Variants in PTPRB observed in about 807,000 individuals in gnomAD.
PTPRB encodes the protein protein tyrosine phosphatase receptor type B.
PTPRB carries 97 observed loss-of-function variants against 238.1 expected under a neutral mutation model. The observed-to-expected ratio is 0.41, with a 90% CI of 0.35 to 0.48. The LOEUF is 0.48. Ranked by LOEUF, PTPRB falls within the 20% of genes least tolerant of loss-of-function variation. The probability of loss-of-function intolerance (pLI) is 0.30; values close to 1 mark genes in which losing one functional copy is unlikely to be tolerated. For missense variants in PTPRB, 2,292 were observed against 2,681.9 expected (o/e 0.85, Z 3.21); for synonymous variants, 970 against 995.4 (o/e 0.97, Z 0.48).
At position 70,624,252 on chromosome 12, in the gene PTPRB, T is replaced by TA. The variant is rs1270622761; in HGVS notation, c.452-1607dup. Among the ~76,000 whole-genome samples, 10 of 152,312 alleles carry TA rather than the reference T, an allele frequency of 6.6e-5. No homozygotes were observed. In the South Asian group the frequency reaches 8.3e-4, roughly 13 times the overall value. On this transcript the variant is annotated intron_variant, in intron 2 of 33. Coordinates refer to ENST00000334414, the MANE Select transcript of PTPRB (RefSeq NM_001109754.4). ...ATACTATGTATTAGTAATATACTTA[T>TA]ACTAAAGATTATTTGTTATTTATCT...
At chr12:70,559,664 T>C (rs1393780567) in intron 17 of PTPRB, 40 bp from the exon 18 acceptor site, 1 of 1,532,524 alleles carries the variant, frequency 6.5e-7, no homozygotes, top group Admixed American at 1.7e-5. Context: ...TAATCACAGC[T>C]ATGCCATAAC....
chr12:70,584,880 A>G (rs888841306), intron 9 of PTPRB: 4 of 152,126 alleles, frequency 2.6e-5, no homozygotes, highest in African/African-American at 7.2e-5. Flanking sequence ...TATATAAAGC[A>G]ATAATTATAT....
chr12:70,567,579 T>G (rs1167557342), intron 14 of PTPRB, among the ~76,000 whole-genome samples: 1 of 152,238 alleles, frequency 6.6e-6, no homozygotes. Context: ...CTTTGTGTAC[T>G]GCTACTACCT....
Position 70,552,973 on chromosome 12 carries a change from G to C in PTPRB, c.5191C>G (p.Leu1731Val), listed in dbSNP as rs371857176. ...PEQQHPLPSYLEYRHNASIRV... is the reference protein window; with the variant it reads ...PEQQHPLPSYVEYRHNASIRV... ...ATGGAGGCATTGTGCCTGTACTCCA[G>C]GTAGGAAGGGAGAGGGTGCTGCTGT... is the stretch of plus-strand genomic sequence containing the variant. The change falls in exon 21 of 34, where the codon CTG becomes GTG. Residue 1731 changes from leucine (L) to valine (V), a missense_variant. Physicochemically the swap from Leu to Val is conservative, Grantham distance 32. Transcript: ENST00000334414. 1 of 1,613,662 alleles carries C rather than the reference G, an allele frequency of 6.2e-7. No individual in the cohort carries two copies. Among genetic ancestry groups the C allele is most frequent in the Non-Finnish European group, 8.5e-7 (1 of 1,179,720 alleles).
intron 32 of PTPRB, chr12:70,525,511 A>C (rs569810307): frequency 6.6e-6 from 1 of 152,206 alleles, no homozygotes; most frequent in Non-Finnish European, 1.5e-5. Flanking sequence ...ACTGCAGAGA[A>C]CTACAAGGGT....
chr12:70,596,443 A>AT, intron 4 of PTPRB, 116 bp from the exon 5 acceptor site: 1 of 1,088,972 alleles, frequency 9.2e-7, no homozygotes, highest in Non-Finnish European at 1.2e-6. Context: ...GTCCAGGTTC[A>AT]TTTTTCTCAA....
At position 70,556,032 on chromosome 12, in the gene PTPRB, C is replaced by G; in HGVS notation, c.4831G>C (p.Asp1611His). The G allele has an allele frequency of 6.2e-7, 1 of 1,613,886 alleles. No homozygotes were observed. The highest frequency in any genetic ancestry group is 8.5e-7 in the Non-Finnish European group (1 of 1,179,860). Residue 1611 changes from aspartate (D) to histidine (H), a missense_variant, in exon 19 of 34, where the codon GAC becomes CAC. Transcript: ENST00000334414. ...CTGGAAAACTCAACTTCTTGGGTGT[C>G]CATTTTCCGGCATTCAATACTATAA... ...DGYSIECRKM[D>H]TQEVEFSRKL...
chr12:70,541,543 A>C (rs1875115966), intron 22 of PTPRB: 1 of 152,168 alleles, frequency 6.6e-6, no homozygotes, highest in Non-Finnish European at 1.5e-5. Flanking sequence ...AAGTTTTGCA[A>C]ATGTCACCAC....
intron 4 of PTPRB, among the ~76,000 whole-genome samples, chr12:70,606,341 T>C (rs1319412340): frequency 6.6e-6 from 1 of 152,214 alleles, no homozygotes; most frequent in African/African-American, 2.4e-5. Flanking sequence ...GAATGGAAAA[T>C]GACTATTGCT....
chr12:70,553,072 T>C, intron 20 of PTPRB, 52 bp from the exon 21 acceptor site: 1 of 1,555,204 alleles, frequency 6.4e-7, no homozygotes, highest in East Asian at 2.3e-5. Flanking sequence ...ACTTAGGTGA[T>C]TTCAGTGATT....
chr12:70,613,357 C>T (rs1171768891), intron 3 of PTPRB, among the ~76,000 whole-genome samples: 1 of 152,110 alleles, frequency 6.6e-6, no homozygotes, highest in Non-Finnish European at 1.5e-5. Context: ...CGAACACTGA[C>T]TAGCCACCTA....
intron 10 of PTPRB, among the ~76,000 whole-genome samples, chr12:70,578,100 A>C (rs1440441313): frequency 6.6e-6 from 1 of 152,128 alleles, no homozygotes; most frequent in Non-Finnish European, 1.5e-5. Flanking sequence ...TTAAGAAAAA[A>C]TAGATACAAA....
chr12:70,556,972 A>G (rs936273347), intron 18 of PTPRB, among the ~76,000 whole-genome samples: 1 of 152,214 alleles, frequency 6.6e-6, no homozygotes, highest in African/African-American at 2.4e-5. Context: ...ACAAATGGAA[A>G]TGAGTCCAAA....
chr12:70,546,154 T>A (rs867656897), intron 21 of PTPRB, among the ~76,000 whole-genome samples: 41 of 135,958 alleles, frequency 3.0e-4, no homozygotes, highest in South Asian at 5.0e-4. Context: ...AAAAAAAAAA[T>A]GACAGACTGG....
intron 4 of PTPRB, among the ~76,000 whole-genome samples, chr12:70,607,873 C>T (rs1003051883): frequency 6.6e-6 from 1 of 152,072 alleles, no homozygotes; most frequent in Non-Finnish European, 1.5e-5. Flanking sequence ...AGATTCTTAA[C>T]AAGCGATTTC....
intron 2 of PTPRB, among the ~76,000 whole-genome samples, chr12:70,624,480 G>A (rs921193274): frequency 1.3e-5 from 2 of 152,080 alleles, no homozygotes; most frequent in African/African-American, 4.8e-5. Flanking sequence ...TCCTTGGGGT[G>A]TTTTCTACAT....
At chr12:70,524,226 G>C (rs1872007659) in intron 33 of PTPRB, among the ~76,000 whole-genome samples, 1 of 151,768 alleles carries the variant, frequency 6.6e-6, no homozygotes, top group Non-Finnish European at 1.5e-5. Flanking sequence ...CTCCCCCTCA[G>C]CCTCCCAAGT....
intron 2 of PTPRB, among the ~76,000 whole-genome samples, chr12:70,631,024 A>T (rs1021454706): frequency 4.6e-5 from 7 of 152,250 alleles, no homozygotes; most frequent in African/African-American, 1.7e-4. Context: ...TATAGATTCA[A>T]TGCCATTCCC....
chr12:70,550,934 C>T (rs10784860), intron 21 of PTPRB, among the ~76,000 whole-genome samples: 64,348 of 151,508 alleles, frequency 0.42, 16,355 homozygotes, highest in African/African-American at 0.72. Context: ...CTTGCTCTGT[C>T]GCCCAGGCTG....
Sources: gnomAD v4.1 joint callset for allele counts (sites outside exome capture counted in the v4.1 genomes callset) on GRCh38, gnomAD v4.1.1 for gene constraint, MANE v1.5 for transcripts, NCBI Gene and HGNC (gene_info 2026-07-23, HGNC 2026-07-21) for gene names.